The following EYS variants were observed in gnomAD, a reference collection of about 807,000 sequenced individuals.
The protein encoded by EYS is EGF-like photoreceptor maintenance factor, also known as protein eyes shut homolog.
In EYS, 250 loss-of-function variants were observed where a neutral mutation model predicts 282.1. The ratio of observed to expected loss-of-function variants is 0.89; its 90% CI spans 0.80 to 0.98. The LOEUF (loss-of-function observed/expected upper bound fraction) is 0.98, where lower values mean the gene tolerates loss of function less well. EYS is among the 50% of genes least tolerant of loss of function. EYS has a pLI of 0.00. For synonymous variants in EYS, 1,355 were observed against 1,282.9 expected (o/e 1.06, Z -1.20); for missense variants, 4,016 against 3,709.0 (o/e 1.08, Z -2.15).
chr6:64,019,935 G>A (rs1769106499), intron 33 of EYS, among the ~76,000 whole-genome samples: 1 of 149,678 alleles, frequency 6.7e-6, no homozygotes, highest in African/African-American at 2.5e-5. Context: ...AATGCTTTGG[G>A]TTTAACAAAT....
At chr6:64,112,474 T>C (rs1188380773) in intron 31 of EYS, among the ~76,000 whole-genome samples, 3 of 151,930 alleles carry the variant, frequency 2.0e-5, no homozygotes, top group South Asian at 2.1e-4. Flanking sequence ...GACATTATAG[T>C]ATATATAAAA....
Position 65,047,619 on chromosome 6 carries a change from C to A in EYS, c.2137+9995G>T, listed in dbSNP as rs529455458. Among the ~76,000 whole-genome samples, 5 of 152,042 alleles carry A rather than the reference C, an allele frequency of 3.3e-5. No homozygotes were observed. The South Asian group carries it at 1.0e-3, about 32-fold the overall frequency. On this transcript the variant is annotated intron_variant, in intron 13 of 42. Coordinates refer to ENST00000503581, the MANE Select transcript of EYS (RefSeq NM_001142800.2). Reference sequence around the variant, plus strand: ...CCTCTCTGTTAATTATCTTCTCTACCTCCTGAAGTTGTAGTTTCTACTTCT... The same window carrying A: ...CCTCTCTGTTAATTATCTTCTCTACATCCTGAAGTTGTAGTTTCTACTTCT...
At chr6:65,261,536 G>C (rs1230030767) in intron 12 of EYS, among the ~76,000 whole-genome samples, 1 of 151,972 alleles carries the variant, frequency 6.6e-6, no homozygotes, top group Non-Finnish European at 1.5e-5. Flanking sequence ...GATTAACAAA[G>C]TGTTATTCTC....
intron 12 of EYS, among the ~76,000 whole-genome samples, chr6:65,159,262 A>G (rs1764796939): frequency 6.6e-6 from 1 of 150,844 alleles, no homozygotes; most frequent in African/African-American, 2.4e-5. Context: ...ATTACATGTG[A>G]ACTTCTACTG....
At chr6:64,175,488 G>T (rs568979389) in intron 31 of EYS, among the ~76,000 whole-genome samples, 1 of 152,176 alleles carries the variant, frequency 6.6e-6, no homozygotes, top group Non-Finnish European at 1.5e-5. Flanking sequence ...CAACTGCTTC[G>T]TGAGAGCGTA....
rs1042688038 is a variant in EYS at position 63,762,615 on chromosome 6, C to T, written c.7917G>A (p.Gly2639=). ...GTSVYCNCTT[G]WKGSFCTETV... ...TCTCTGTGCAGAATGATCCTTTCCA[C>T]CCAGTGGTACAATTGCAGCTGTGGG... Residue 2639 remains glycine (G), a synonymous_variant, in exon 41 of 43, where the codon GGG becomes GGA. Coordinates refer to ENST00000503581, the MANE Select transcript of EYS (RefSeq NM_001142800.2). 1.9e-6 allele frequency: 3 copies of T among 1,549,954 alleles called. No homozygotes were observed. The highest frequency in any genetic ancestry group is 1.7e-4 in the Middle Eastern group (1 of 5,972).
intron 22 of EYS, among the ~76,000 whole-genome samples, chr6:64,770,285 T>G (rs193264267): frequency 2.0e-5 from 3 of 152,088 alleles, no homozygotes; most frequent in African/African-American, 7.2e-5. Context: ...TAGAAATGGT[T>G]TGTAAAGAAA....
intron 28 of EYS, among the ~76,000 whole-genome samples, chr6:64,427,621 A>G (rs1774451420): frequency 6.6e-6 from 1 of 152,154 alleles, no homozygotes; most frequent in African/African-American, 2.4e-5. Context: ...GATGTAAACA[A>G]AAATATATTA....
At chr6:64,928,215 C>G (rs998131606) in intron 15 of EYS, among the ~76,000 whole-genome samples, 5 of 151,980 alleles carry the variant, frequency 3.3e-5, no homozygotes, top group African/African-American at 9.7e-5. Flanking sequence ...GGGAAAAAGT[C>G]TACTTCAAAA....
intron 28 of EYS, among the ~76,000 whole-genome samples, chr6:64,418,252 T>C (rs1774122765): frequency 1.3e-5 from 2 of 152,168 alleles, no homozygotes; most frequent in African/African-American, 4.8e-5. Context: ...TGCAAATTTG[T>C]GGTATGGCTA....
intron 12 of EYS, among the ~76,000 whole-genome samples, chr6:65,059,465 T>A (rs1434988549): frequency 6.6e-6 from 1 of 152,124 alleles, no homozygotes. Context: ...TCAAGGTGCA[T>A]ACCAAAGTTA....
chr6:65,182,826 T>G (rs375663854), intron 12 of EYS, among the ~76,000 whole-genome samples: 3 of 152,010 alleles, frequency 2.0e-5, no homozygotes, highest in African/African-American at 7.2e-5. Context: ...TCTCACTCTA[T>G]CACCCAGGCT....
At chr6:64,068,980 A>T (rs1771476275) in intron 32 of EYS, among the ~76,000 whole-genome samples, 1 of 151,992 alleles carries the variant, frequency 6.6e-6, no homozygotes, top group African/African-American at 2.4e-5. Flanking sequence ...AGGGAGGAAG[A>T]GGGAGACTTG....
At chr6:65,573,861 A>T (rs558682057) in intron 2 of EYS, among the ~76,000 whole-genome samples, 1 of 152,230 alleles carries the variant, frequency 6.6e-6, no homozygotes, top group South Asian at 2.1e-4. Context: ...CTGTTTCATG[A>T]TCACCTTGCA....
chr6:63,911,742 AAATTAATTATACT>A, intron 35 of EYS, among the ~76,000 whole-genome samples: 1 of 152,220 alleles, frequency 6.6e-6, no homozygotes, highest in Non-Finnish European at 1.5e-5. Flanking sequence ...ACAATTTTAA[AAATTAATTATACT>A]AATTGGAGAT....
chr6:63,739,346 A>G (rs1255517751), intron 41 of EYS, among the ~76,000 whole-genome samples: 1 of 152,162 alleles, frequency 6.6e-6, no homozygotes, highest in Non-Finnish European at 1.5e-5. Context: ...CTGATTTCAC[A>G]GGGAGCTCTG....
intron 12 of EYS, among the ~76,000 whole-genome samples, chr6:65,195,839 C>T (rs966650445): frequency 6.6e-6 from 1 of 152,012 alleles, no homozygotes; most frequent in Admixed American, 6.6e-5. Context: ...TATTCTGTCT[C>T]TGTGTTTAAA....
chr6:65,548,538 A>G (rs1768476515), intron 2 of EYS, among the ~76,000 whole-genome samples: 1 of 152,204 alleles, frequency 6.6e-6, no homozygotes, highest in Admixed American at 6.5e-5. Context: ...GAACTATCCA[A>G]TGGAAGTTTC....
intron 2 of EYS, among the ~76,000 whole-genome samples, chr6:65,517,744 T>C (rs758736976): frequency 2.1e-4 from 32 of 152,054 alleles, no homozygotes; most frequent in Non-Finnish European, 3.7e-4. Context: ...AGTACAGGCA[T>C]ACAGGACACC....
Sources: allele counts gnomAD v4.1 joint callset (sites outside exome capture counted in the v4.1 genomes callset), GRCh38; gene constraint gnomAD v4.1.1; transcripts MANE v1.5; gene names NCBI Gene and HGNC (gene_info 2026-07-23, HGNC 2026-07-21).